Variants in FBXO42 observed in about 807,000 individuals in gnomAD.
FBXO42 encodes F-box protein 42, also known as F-box only protein 42.
A neutral mutation model predicts 71.7 loss-of-function variants in FBXO42; 12 were observed. The ratio of observed to expected loss-of-function variants is 0.17; its 90% CI spans 0.11 to 0.27. The LOEUF (loss-of-function observed/expected upper bound fraction) is 0.27, where lower values mean the gene tolerates loss of function less well. Among genes scored for constraint, FBXO42 ranks in the 10% least tolerant of loss-of-function variants. The pLI is 1.00. For missense variants in FBXO42, 707 were observed against 911.9 expected, an observed-to-expected ratio of 0.78 and a Z score of 2.89; for synonymous variants, 325 against 327.5, an observed-to-expected ratio of 0.99 and a Z score of 0.08.
chr1:16,294,535 T>A (rs961636518), intron 4 of FBXO42: 3 of 451,192 alleles, frequency 6.6e-6, no homozygotes, highest in Admixed American at 7.7e-5. Context: ...GAGAAAACCA[T>A]GCAAATGAAT....
intron 7 of FBXO42, 85 bp downstream of exon 7, chr1:16,253,550 T>A: frequency 8.0e-7 from 1 of 1,247,264 alleles, no homozygotes; most frequent in South Asian, 1.3e-5. Flanking sequence ...CATATTGGCA[T>A]CTTACCTGAC....
intron 1 of FBXO42, among the ~76,000 whole-genome samples, chr1:16,319,633 C>A (rs113387806): frequency 1.1e-4 from 16 of 152,240 alleles, no homozygotes; most frequent in African/African-American, 3.9e-4. Flanking sequence ...GGATCCTAGG[C>A]CAGGTGTGGT....
At chr1:16,314,249 C>T (rs889034169) in intron 2 of FBXO42, among the ~76,000 whole-genome samples, 1 of 152,132 alleles carries the variant, frequency 6.6e-6, no homozygotes, top group East Asian at 1.9e-4. Flanking sequence ...CACACCCGGC[C>T]AAGAAACATA....
In FBXO42 at chr1:16,308,494, CTTTTTTTT is replaced by C. The variant is rs71003268; in HGVS notation, c.251-2583_251-2576del. 3.7e-3 allele frequency among the ~76,000 whole-genome samples: 465 copies of C among 126,724 alleles called. 2 individuals are homozygous for C. Among genetic ancestry groups the C allele is most frequent in the South Asian group, 0.011 (46 of 4,064 alleles). 83.1% of individuals were successfully genotyped at this position (126,724 alleles called of 152,430 possible). On this transcript the variant is annotated intron_variant, in intron 2 of 9. Coordinates refer to ENST00000375592, the MANE Select transcript of FBXO42 (RefSeq NM_018994.3). ...GGGAAACACAGTGAGACCCATCTCT[CTTTTTTTT>C]TTTTTTTTTTTCCTTTAGACTGAGT...
At chr1:16,270,335 T>G (rs946703038) in intron 4 of FBXO42, among the ~76,000 whole-genome samples, 3 of 152,132 alleles carry the variant, frequency 2.0e-5, no homozygotes, top group African/African-American at 7.2e-5. Flanking sequence ...ATTCAAACCA[T>G]GGCAAGCCCC....
Position 16,352,181 on chromosome 1 carries a change from C to A in FBXO42, c.-18+74G>T, listed in dbSNP as rs2100656775. 7.7e-6 allele frequency: 3 copies of A among 391,798 alleles called. 1 individual carries two copies. The South Asian group carries it at 4.3e-4, about 56-fold the overall frequency. 24.3% of individuals were successfully genotyped at this position (391,798 alleles called of 1,614,324 possible). On this transcript the variant is annotated intron_variant, in intron 1 of 9. Coordinates refer to ENST00000375592, the MANE Select transcript of FBXO42 (RefSeq NM_018994.3). ...GTCAGACCCCGGGCGCCCGCTGCCC[C>A]TTGCCAGTCCCGGGCATAAAGGGCA...
intron 1 of FBXO42, among the ~76,000 whole-genome samples, chr1:16,348,052 A>G (rs2082666963): frequency 6.6e-6 from 1 of 152,042 alleles, no homozygotes; most frequent in East Asian, 1.9e-4. Context: ...CATAAGCTAT[A>G]TTATAAGCTT....
At chr1:16,348,380 C>A (rs984094735) in intron 1 of FBXO42, among the ~76,000 whole-genome samples, 4 of 152,134 alleles carry the variant, frequency 2.6e-5, no homozygotes, top group Non-Finnish European at 4.4e-5. Context: ...ACTAGCAACA[C>A]CAATCCACAT....
intron 4 of FBXO42, among the ~76,000 whole-genome samples, chr1:16,262,854 C>A (rs1387498087): frequency 6.6e-6 from 1 of 151,996 alleles, no homozygotes; most frequent in Non-Finnish European, 1.5e-5. Flanking sequence ...GGACTACAGG[C>A]ACGTGCCACC....
chr1:16,262,511 A>T (rs1180765483), intron 4 of FBXO42, among the ~76,000 whole-genome samples: 1 of 152,124 alleles, frequency 6.6e-6, no homozygotes, highest in Admixed American at 6.5e-5. Flanking sequence ...GTTTGAAACC[A>T]GCCTGGGCAA....
At chr1:16,346,667 G>A (rs1395081591) in intron 1 of FBXO42, among the ~76,000 whole-genome samples, 8 of 146,692 alleles carry the variant, frequency 5.5e-5, no homozygotes, top group African/African-American at 1.3e-4. Context: ...CAGCCTGGGC[G>A]ACAGAGCTAG....
rs191545379 is a variant in FBXO42 at position 16,321,230 on chromosome 1, T to C, written c.-17-5795A>G. Among the ~76,000 whole-genome samples, 8 of 152,310 alleles carry C rather than the reference T, an allele frequency of 5.3e-5. No homozygotes were observed. In the East Asian group the frequency reaches 1.3e-3, roughly 26 times the overall value. On this transcript the variant is annotated intron_variant, in intron 1 of 9. Transcript: ENST00000375592. The stretch of plus-strand genomic sequence containing the variant: ...GAGGGCATGTTTGCTAACTTGGCCC[T>C]AGCCACAGATGCCAAGGAGAACACA...
intron 2 of FBXO42, among the ~76,000 whole-genome samples, chr1:16,307,828 G>A (rs1259760755): frequency 1.3e-5 from 2 of 152,180 alleles, no homozygotes; most frequent in Non-Finnish European, 2.9e-5. Context: ...GATAGGATAA[G>A]AAGACTCAAT....
At chr1:16,315,638 T>C (rs1240455520) in intron 1 of FBXO42, among the ~76,000 whole-genome samples, 1 of 152,144 alleles carries the variant, frequency 6.6e-6, no homozygotes, top group Non-Finnish European at 1.5e-5. Flanking sequence ...AGGCTTTTGA[T>C]TACATTTTTT....
intron 4 of FBXO42, among the ~76,000 whole-genome samples, chr1:16,264,566 C>G (rs2081750887): frequency 1.3e-5 from 2 of 152,152 alleles, no homozygotes; most frequent in Non-Finnish European, 2.9e-5. Flanking sequence ...CCAAATGTGC[C>G]CACATCAAGC....
chr1:16,267,576 G>GGT (rs2081792119), intron 4 of FBXO42, among the ~76,000 whole-genome samples: 1 of 152,180 alleles, frequency 6.6e-6, no homozygotes, highest in African/African-American at 2.4e-5. Context: ...ACATACCCTA[G>GGT]AGGCATCAGC....
chr1:16,294,733 C>A (rs919367084), intron 4 of FBXO42, 50 bp downstream of exon 4: 2 of 1,594,406 alleles, frequency 1.3e-6, no homozygotes, highest in Non-Finnish European at 1.7e-6. Flanking sequence ...AGTTTCCATG[C>A]CAAGGGAGTC....
intron 2 of FBXO42, among the ~76,000 whole-genome samples, chr1:16,313,626 G>A (rs770168198): frequency 3.3e-5 from 5 of 152,184 alleles, no homozygotes; most frequent in Non-Finnish European, 5.9e-5. Context: ...TTTCAATACA[G>A]CTGGTTCTTA....
chr1:16,286,435 CCAGA>C (rs1288093438), intron 4 of FBXO42, among the ~76,000 whole-genome samples: 11 of 152,122 alleles, frequency 7.2e-5, no homozygotes, highest in African/African-American at 2.7e-4. Context: ...AGGGGAAATG[CCAGA>C]CAATTATATA....
Sources: allele counts gnomAD v4.1 joint callset (sites outside exome capture counted in the v4.1 genomes callset), GRCh38; gene constraint gnomAD v4.1.1; transcripts MANE v1.5; gene names NCBI Gene and HGNC (gene_info 2026-07-23, HGNC 2026-07-21).